PCDHA6: variants seen among roughly 807,000 people sequenced by gnomAD.
PCDHA6 encodes protocadherin alpha 6.
In PCDHA6, 55 loss-of-function variants were observed where a neutral mutation model predicts 60.3. That is an observed-to-expected ratio of 0.91 (90% CI 0.73 to 1.14). The LOEUF (loss-of-function observed/expected upper bound fraction) is 1.14. Ranked by LOEUF, PCDHA6 falls within the 50% of genes most tolerant of loss-of-function variation. The probability of loss-of-function intolerance (pLI) is 0.00; values close to 1 mark genes in which losing one functional copy is unlikely to be tolerated. For missense variants in PCDHA6, 1,327 were observed against 1,256.5 expected (o/e 1.06, Z -0.85); for synonymous variants, 652 against 557.9 (o/e 1.17, Z -2.38).
At chr5:140,934,957 G>A (rs2090122349) in intron 1 of PCDHA6, among the ~76,000 whole-genome samples, 1 of 152,250 alleles carries the variant, frequency 6.6e-6, no homozygotes, top group Non-Finnish European at 1.5e-5. Context: ...GATCCCATGT[G>A]CTTGTCACCC....
chr5:140,993,462 TCACACACACACA>T (rs3836747), intron 3 of PCDHA6, among the ~76,000 whole-genome samples: 1,999 of 141,038 alleles, frequency 0.014, 48 homozygotes, highest in African/African-American at 0.047. Context: ...TCTTTCTTTC[TCACACACACACA>T]CACACACACA....
At chr5:140,979,836 T>C (rs1463731318) in intron 2 of PCDHA6, among the ~76,000 whole-genome samples, 2 of 152,216 alleles carry the variant, frequency 1.3e-5, no homozygotes, top group Non-Finnish European at 2.9e-5. Flanking sequence ...GAAGAAATAA[T>C]CTTCAAACTT....
chr5:140,873,989 T>C (rs1264143469), intron 1 of PCDHA6, among the ~76,000 whole-genome samples: 3 of 152,222 alleles, frequency 2.0e-5, no homozygotes, highest in African/African-American at 7.2e-5. Context: ...TTCCTTAGCA[T>C]GTATGGTACA....
At chr5:140,996,755 C>T (rs1335663800) in intron 3 of PCDHA6, among the ~76,000 whole-genome samples, 2 of 152,142 alleles carry the variant, frequency 1.3e-5, no homozygotes, top group Non-Finnish European at 2.9e-5. Context: ...TATATCTGTG[C>T]AGGACTAAAA....
At chr5:140,978,839 CT>C in intron 1 of PCDHA6, 109 bp from the exon 2 acceptor site, 3 of 1,556,998 alleles carry the variant, frequency 1.9e-6, no homozygotes, top group Non-Finnish European at 2.6e-6. Context: ...TCATTCAATA[CT>C]TTTTTAGATG....
rs781950915 is a variant in PCDHA6 at position 140,855,998 on chromosome 5, G to A, written c.2394+25513G>A. On this transcript the variant is annotated intron_variant, in intron 1 of 3. Coordinates refer to ENST00000529310, the MANE Select transcript of PCDHA6 (RefSeq NM_018909.4). ...TAGGACAGAAAATGTCAGATCGTAT[G>A]TGCGTTCTAGACCGCTGATTCGTCG... 3.7e-5 allele frequency: 56 copies of A among 1,511,288 alleles called. 3 individuals are homozygous for A. Among genetic ancestry groups the A allele is most frequent in the Non-Finnish European group, 4.9e-5 (55 of 1,120,558 alleles). 93.6% of individuals were successfully genotyped at this position (1,511,288 alleles called of 1,614,324 possible). A position where few individuals can be genotyped will look rare whatever the true frequency, so the allele number is the denominator to read the frequency against.
chr5:140,883,475 AACT>A, intron 1 of PCDHA6: 1 of 1,614,106 alleles, frequency 6.2e-7, no homozygotes. Context: ...CACCTACAAG[AACT>A]ACTACTCATT....
At chr5:141,001,975 G>T (rs900969211) in intron 3 of PCDHA6, among the ~76,000 whole-genome samples, 2 of 152,302 alleles carry the variant, frequency 1.3e-5, no homozygotes, top group Non-Finnish European at 2.9e-5. Flanking sequence ...GTCTCTGCGC[G>T]GAAAGCCTGG....
intron 1 of PCDHA6, chr5:140,855,953 TA>T: frequency 7.2e-7 from 1 of 1,381,088 alleles, no homozygotes; most frequent in Non-Finnish European, 9.9e-7. Context: ...GCCATTTCGA[TA>T]AAAAATAGAT....
chr5:140,883,179 C>A, intron 1 of PCDHA6: 4 of 1,613,776 alleles, frequency 2.5e-6, no homozygotes, highest in Non-Finnish European at 1.7e-6. Flanking sequence ...GAAATTAGGA[C>A]AAAAGGCAAA....
Position 140,829,294 on chromosome 5 carries a change from C to T in PCDHA6, c.1203C>T (p.Phe401=), listed in dbSNP as rs2150165433. The T allele has an allele frequency of 6.2e-7, 1 of 1,614,256 alleles. No individual in the cohort carries two copies. Among genetic ancestry groups the T allele is most frequent in the South Asian group, 1.1e-5 (1 of 91,090 alleles). Residue 401 remains phenylalanine, a synonymous_variant, in exon 1 of 4, where the codon TTC becomes TTT. Coordinates refer to ENST00000529310, the MANE Select transcript of PCDHA6 (RefSeq NM_018909.4). Reference sequence around the variant, plus strand: ...TCCCTTTCAAGCTGGTGTCCACCTTCAAGAATTACTACTCGTTGGTGCTGG... The same window carrying T: ...TCCCTTTCAAGCTGGTGTCCACCTTTAAGAATTACTACTCGTTGGTGCTGG... ...PHVPFKLVST[F]KNYYSLVLDS...
rs1478499072 is a variant in PCDHA6 at position 140,882,356 on chromosome 5, C to T, written c.2394+51871C>T. 4 of 1,614,070 alleles carry T rather than the reference C, an allele frequency of 2.5e-6. No individual in the cohort carries two copies. The Admixed American group carries it at 5.0e-5, about 20-fold the overall frequency. On this transcript the variant is annotated intron_variant, in intron 1 of 3. Coordinates refer to ENST00000529310, the MANE Select transcript of PCDHA6 (RefSeq NM_018909.4). ...CGCAGCCTGGGAGACGGGTAGTGGC[C>T]AGCTCCACTACTCCGTCCCCGAGGA... is the stretch of plus-strand genomic sequence containing the variant.
chr5:141,006,726 A>G (rs2098284944), intron 3 of PCDHA6, among the ~76,000 whole-genome samples: 1 of 152,172 alleles, frequency 6.6e-6, no homozygotes, highest in African/African-American at 2.4e-5. Flanking sequence ...CAGAAATGAC[A>G]GGTCTTGATG....
At chr5:141,000,558 G>A (rs1462892656) in intron 3 of PCDHA6, among the ~76,000 whole-genome samples, 1 of 149,136 alleles carries the variant, frequency 6.7e-6, no homozygotes, top group Admixed American at 6.8e-5. Flanking sequence ...CTCCCGAGTA[G>A]CTGGGATTAC....
At position 140,880,762 on chromosome 5, in the gene PCDHA6, G is replaced by A. The variant is rs2153374847; in HGVS notation, c.2394+50277G>A. 3.9e-5 allele frequency among the ~76,000 whole-genome samples: 6 copies of A among 152,350 alleles called. No homozygotes were observed. The Middle Eastern group carries it at 0.014, about 345-fold the overall frequency. On this transcript the variant is annotated intron_variant, in intron 1 of 3. Coordinates refer to ENST00000529310, the MANE Select transcript of PCDHA6 (RefSeq NM_018909.4). ...GGATTGTCAGTGTAACTGCGTGTTGGAGGCTAAAAAGAATGTTAGAGGAGT... is the reference window on the plus strand; with the variant it reads ...GGATTGTCAGTGTAACTGCGTGTTGAAGGCTAAAAAGAATGTTAGAGGAGT...
intron 1 of PCDHA6, among the ~76,000 whole-genome samples, chr5:140,947,681 C>T (rs976876831): frequency 3.3e-5 from 5 of 151,572 alleles, no homozygotes; most frequent in Non-Finnish European, 5.9e-5. Context: ...AAAAAATTGT[C>T]TCAGCATGTT....
At chr5:140,924,767 C>T (rs782265529) in intron 1 of PCDHA6, among the ~76,000 whole-genome samples, 3 of 151,618 alleles carry the variant, frequency 2.0e-5, no homozygotes, top group South Asian at 2.1e-4. Flanking sequence ...TGGTGGTGCG[C>T]GCTTGTAGTC....
chr5:140,960,993 A>G (rs1053601284), intron 1 of PCDHA6, among the ~76,000 whole-genome samples: 1 of 152,140 alleles, frequency 6.6e-6, no homozygotes, highest in Non-Finnish European at 1.5e-5. Context: ...AAAATGCTCA[A>G]TTTGCTGCTG....
chr5:140,845,255 G>A (rs1205445149), intron 1 of PCDHA6, among the ~76,000 whole-genome samples: 3 of 149,266 alleles, frequency 2.0e-5, no homozygotes, highest in Non-Finnish European at 4.5e-5. Context: ...TGAATAATAT[G>A]TGTTTTCCTT....
Sources: gnomAD v4.1 joint callset for allele counts (sites outside exome capture counted in the v4.1 genomes callset) on GRCh38, gnomAD v4.1.1 for gene constraint, MANE v1.5 for transcripts, NCBI Gene and HGNC (gene_info 2026-07-23, HGNC 2026-07-21) for gene names.